The following MECOM variants were observed in gnomAD, a reference collection of about 807,000 sequenced individuals.
MECOM encodes histone-lysine N-methyltransferase MECOM.
In MECOM, 13 loss-of-function variants were observed where a neutral mutation model predicts 116.3. That is an observed-to-expected ratio of 0.11 (90% CI 0.07 to 0.18). MECOM has a LOEUF of 0.18. MECOM is among the 10% of genes least tolerant of loss of function. The pLI, the probability that MECOM is intolerant of heterozygous loss-of-function variation, is 1.00. For synonymous variants in MECOM, 528 were observed against 535.2 expected, an observed-to-expected ratio of 0.99 and a Z score of 0.19; for missense variants, 1,299 against 1,509.0, an observed-to-expected ratio of 0.86 and a Z score of 2.31.
intron 1 of MECOM, among the ~76,000 whole-genome samples, chr3:169,529,664 T>C (rs1056068847): frequency 4.6e-5 from 7 of 152,222 alleles, no homozygotes; most frequent in Non-Finnish European, 8.8e-5. Flanking sequence ...AGCCAGGTGC[T>C]AGCTGGGCCT....
intron 2 of MECOM, among the ~76,000 whole-genome samples, chr3:169,356,248 C>T (rs1217886340): frequency 6.6e-6 from 1 of 151,840 alleles, no homozygotes; most frequent in Admixed American, 6.6e-5. Context: ...AGATTCAAGA[C>T]TTGGGGTACA....
At chr3:169,630,593 C>T (rs1291053961) in intron 1 of MECOM, among the ~76,000 whole-genome samples, 2 of 152,082 alleles carry the variant, frequency 1.3e-5, no homozygotes, top group Non-Finnish European at 2.9e-5. Flanking sequence ...GCTAAGACTA[C>T]AGGTACACAC....
chr3:169,570,263 C>T lies in MECOM; in HGVS notation c.37+93073G>A, dbSNP rs187527674. Among the ~76,000 whole-genome samples, 47 of 152,214 alleles carry T rather than the reference C, an allele frequency of 3.1e-4. No homozygotes were observed. The East Asian group carries it at 5.2e-3, about 17-fold the overall frequency. ...GAAGAAATGGATGAATTCCTGGACA[C>T]GTACACCCTCCAAAGACTAAACCAG... is the stretch of plus-strand genomic sequence containing the variant. On this transcript the variant is annotated intron_variant, in intron 1 of 16. Coordinates refer to ENST00000651503, the MANE Select transcript of MECOM (RefSeq NM_004991.4).
intron 2 of MECOM, among the ~76,000 whole-genome samples, chr3:169,295,299 A>G (rs1715386859): frequency 6.6e-6 from 1 of 152,216 alleles, no homozygotes; most frequent in African/African-American, 2.4e-5. Flanking sequence ...AAATTACAAT[A>G]ACACGTGACT....
intron 2 of MECOM, among the ~76,000 whole-genome samples, chr3:169,320,078 A>T (rs1720587756): frequency 6.6e-6 from 1 of 152,222 alleles, no homozygotes; most frequent in Admixed American, 6.5e-5. Flanking sequence ...AAAGAAATGG[A>T]GAAATGGATG....
At chr3:169,160,378 T>G (rs1030577937) in intron 2 of MECOM, among the ~76,000 whole-genome samples, 1 of 151,876 alleles carries the variant, frequency 6.6e-6, no homozygotes, top group Non-Finnish European at 1.5e-5. Context: ...AAATAAACCT[T>G]GAACAGAAAT....
At chr3:169,190,499 T>C (rs1168716186) in intron 2 of MECOM, among the ~76,000 whole-genome samples, 4 of 152,220 alleles carry the variant, frequency 2.6e-5, no homozygotes, top group Middle Eastern at 3.4e-3. Flanking sequence ...TATCAGTTTG[T>C]GACCTCATAC....
intron 3 of MECOM, among the ~76,000 whole-genome samples, chr3:169,142,480 T>C (rs1342143639): frequency 6.6e-6 from 1 of 151,996 alleles, no homozygotes; most frequent in East Asian, 1.9e-4. Context: ...CAGTAACTCA[T>C]ATGATAGACG....
intron 1 of MECOM, among the ~76,000 whole-genome samples, chr3:169,402,390 A>G (rs997656735): frequency 6.6e-6 from 1 of 152,224 alleles, no homozygotes; most frequent in Admixed American, 6.5e-5. Context: ...ATGAGGCTGC[A>G]GAACCAACAG....
intron 2 of MECOM, among the ~76,000 whole-genome samples, chr3:169,195,536 C>CT (rs1435079447): frequency 6.6e-6 from 1 of 152,034 alleles, no homozygotes; most frequent in East Asian, 1.9e-4. Flanking sequence ...TGTGAGATAA[C>CT]TTTTATTAAC....
chr3:169,230,068 A>T (rs980771049), intron 2 of MECOM, among the ~76,000 whole-genome samples: 2 of 152,106 alleles, frequency 1.3e-5, no homozygotes, highest in African/African-American at 4.8e-5. Context: ...GAATATACAA[A>T]TACTCTCTTT....
intron 2 of MECOM, among the ~76,000 whole-genome samples, chr3:169,236,461 T>C (rs1754082354): frequency 6.6e-6 from 1 of 152,098 alleles, no homozygotes; most frequent in South Asian, 2.1e-4. Flanking sequence ...AGGGGAGACA[T>C]AAAACCAGAT....
At position 169,122,547 on chromosome 3, in the gene MECOM, A is replaced by G. The variant is rs369802383; in HGVS notation, c.978+33T>C. 48 of 1,612,882 alleles carry G rather than the reference A, an allele frequency of 3.0e-5. No homozygotes were observed. The African/African-American group carries it at 5.7e-4, about 19-fold the overall frequency. Reference sequence around the variant, plus strand: ...GGATTAAGAGAGAGCAGGATGACATAGAGAGGCCAAGTAGCCTACAAATTC... The same window carrying G: ...GGATTAAGAGAGAGCAGGATGACATGGAGAGGCCAAGTAGCCTACAAATTC... On this transcript the variant is annotated intron_variant, in intron 6 of 16. Coordinates refer to ENST00000651503, the MANE Select transcript of MECOM (RefSeq NM_004991.4).
At chr3:169,625,102 G>T (rs1186227477) in intron 1 of MECOM, among the ~76,000 whole-genome samples, 6 of 152,002 alleles carry the variant, frequency 3.9e-5, no homozygotes, top group South Asian at 2.1e-4. Context: ...CAGTATTGTG[G>T]TTTTTTCATG....
At chr3:169,238,174 CAAAA>C in intron 2 of MECOM, among the ~76,000 whole-genome samples, 1 of 72,096 alleles carries the variant, frequency 1.4e-5, no homozygotes, top group Admixed American at 1.4e-4. Context: ...GACTCCATCT[CAAAA>C]AAAAAAAAAA....
At chr3:169,320,429 G>A (rs1207896482) in intron 2 of MECOM, among the ~76,000 whole-genome samples, 2 of 152,202 alleles carry the variant, frequency 1.3e-5, no homozygotes, top group Non-Finnish European at 2.9e-5. Flanking sequence ...TCCCTGAGGA[G>A]GAAGGATAAA....
chr3:169,507,955 C>G (rs1009261107), intron 1 of MECOM, among the ~76,000 whole-genome samples: 1 of 152,074 alleles, frequency 6.6e-6, no homozygotes, highest in Non-Finnish European at 1.5e-5. Context: ...CCACCGCGCC[C>G]GGCCCCAACT....
intron 2 of MECOM, among the ~76,000 whole-genome samples, chr3:169,154,227 A>G (rs73879024): frequency 0.12 from 18,011 of 151,530 alleles, 1,168 homozygotes; most frequent in Non-Finnish European, 0.14. Flanking sequence ...CGAGGGTAGG[A>G]ACACACACAC....
intron 1 of MECOM, among the ~76,000 whole-genome samples, chr3:169,472,657 A>AGAGGAGAGGAGAGGAGAGGAGAG (rs1213996132): frequency 1.8e-5 from 1 of 55,908 alleles, no homozygotes; most frequent in African/African-American, 8.5e-5. Context: ...GGAAAAGAAA[A>AGAGGAGAGGAGAGGAGAGGAGAG]GAAAGGAAAG....
Sources: allele counts gnomAD v4.1 joint callset (sites outside exome capture counted in the v4.1 genomes callset), GRCh38; gene constraint gnomAD v4.1.1; transcripts MANE v1.5; gene names NCBI Gene and HGNC (gene_info 2026-07-23, HGNC 2026-07-21).